The following PDZRN3 variants were observed in gnomAD, a reference collection of about 807,000 sequenced individuals.
PDZRN3 encodes E3 ubiquitin-protein ligase PDZRN3.
In PDZRN3, 38 loss-of-function variants were observed where a neutral mutation model predicts 85.7. The observed-to-expected ratio is 0.44, with a 90% CI of 0.34 to 0.58. The LOEUF (loss-of-function observed/expected upper bound fraction) is 0.58, where lower values mean the gene tolerates loss of function less well. PDZRN3 is among the 20% of genes least tolerant of loss of function. PDZRN3 has a pLI of 0.01. For synonymous variants in PDZRN3, 759 were observed against 638.0 expected (o/e 1.19, Z -2.86); for missense variants, 1,629 against 1,506.4 (o/e 1.08, Z -1.35).
intron 3 of PDZRN3, among the ~76,000 whole-genome samples, chr3:73,443,498 T>TTTG (rs57581231): frequency 7.7e-6 from 1 of 129,122 alleles, no homozygotes; most frequent in African/African-American, 3.9e-5. Context: ...TTTTTTTTTT[T>TTTG]GGGGGGGGGA....
chr3:73,478,078 T>C (rs1020120922), intron 3 of PDZRN3, among the ~76,000 whole-genome samples: 1 of 152,134 alleles, frequency 6.6e-6, no homozygotes. Context: ...CCAAATGACA[T>C]CACTTTGAGA....
chr3:73,463,206 C>T (rs922858208), intron 3 of PDZRN3, among the ~76,000 whole-genome samples: 1 of 152,204 alleles, frequency 6.6e-6, no homozygotes, highest in African/African-American at 2.4e-5. Context: ...CAAGGCCCAT[C>T]CTTACTTGGT....
chr3:73,432,269 G>A (rs968640041), intron 3 of PDZRN3, among the ~76,000 whole-genome samples: 1 of 152,080 alleles, frequency 6.6e-6, no homozygotes, highest in Non-Finnish European at 1.5e-5. Flanking sequence ...CAAGGGATGG[G>A]GGCCAGATCG....
intron 3 of PDZRN3, among the ~76,000 whole-genome samples, chr3:73,514,996 T>C (rs1004168640): frequency 1.1e-4 from 17 of 152,068 alleles, no homozygotes; most frequent in African/African-American, 3.9e-4. Context: ...TACCTGATTG[T>C]AAAACAAAAT....
intron 3 of PDZRN3, among the ~76,000 whole-genome samples, chr3:73,479,050 A>G (rs568734281): frequency 1.3e-5 from 2 of 152,194 alleles, no homozygotes; most frequent in Non-Finnish European, 2.9e-5. Flanking sequence ...CACTATCAAG[A>G]CTGACTTCCA....
intron 3 of PDZRN3, among the ~76,000 whole-genome samples, chr3:73,481,659 T>A (rs1404542498): frequency 6.6e-6 from 1 of 152,234 alleles, no homozygotes; most frequent in Non-Finnish European, 1.5e-5. Flanking sequence ...CCTATAAGAC[T>A]GAAAGCTGGA....
chr3:73,465,407 G>C (rs1377284428), intron 3 of PDZRN3, among the ~76,000 whole-genome samples: 1 of 152,170 alleles, frequency 6.6e-6, no homozygotes, highest in Non-Finnish European at 1.5e-5. Flanking sequence ...GATGTGATCT[G>C]AACATTCACT....
At chr3:73,545,029 AAAAAGG>A (rs1430110851) in intron 3 of PDZRN3, among the ~76,000 whole-genome samples, 1 of 152,234 alleles carries the variant, frequency 6.6e-6, no homozygotes, top group African/African-American at 2.4e-5. Flanking sequence ...TAAAAGGAAA[AAAAAGG>A]TCCGCTTAGA....
At chr3:73,514,508 T>G (rs1172911663) in intron 3 of PDZRN3, among the ~76,000 whole-genome samples, 1 of 152,208 alleles carries the variant, frequency 6.6e-6, no homozygotes, top group Non-Finnish European at 1.5e-5. Context: ...TGGTCTTGAT[T>G]TGGGCTTTAA....
chr3:73,385,392 A>G (rs80238124), intron 9 of PDZRN3, among the ~76,000 whole-genome samples: 1 of 152,360 alleles, frequency 6.6e-6, no homozygotes, highest in African/African-American at 2.4e-5. Flanking sequence ...TTTGCAATCT[A>G]TGGTAATGCC....
At chr3:73,592,793 G>A (rs1702377303) in intron 3 of PDZRN3, among the ~76,000 whole-genome samples, 1 of 152,128 alleles carries the variant, frequency 6.6e-6, no homozygotes, top group Non-Finnish European at 1.5e-5. Flanking sequence ...GCAAATCAGT[G>A]CTTGCAGCTG....
At chr3:73,580,250 T>G (rs1223811588) in intron 3 of PDZRN3, among the ~76,000 whole-genome samples, 1 of 152,212 alleles carries the variant, frequency 6.6e-6, no homozygotes, top group Non-Finnish European at 1.5e-5. Flanking sequence ...AAATTGTATG[T>G]ATACAAGTGA....
chr3:73,535,905 G>A (rs1045543526), intron 3 of PDZRN3, among the ~76,000 whole-genome samples: 1 of 152,112 alleles, frequency 6.6e-6, no homozygotes, highest in Admixed American at 6.6e-5. Flanking sequence ...ATTAACTGCA[G>A]GTAAAGGGAA....
intron 3 of PDZRN3, among the ~76,000 whole-genome samples, chr3:73,449,860 T>C (rs1702823348): frequency 6.6e-6 from 1 of 152,320 alleles, no homozygotes; most frequent in Non-Finnish European, 1.5e-5. Context: ...AAGCCTGTTC[T>C]AACTGCATGC....
intron 1 of PDZRN3, among the ~76,000 whole-genome samples, chr3:73,609,161 T>C (rs1307330584): frequency 1.3e-5 from 2 of 151,934 alleles, no homozygotes; most frequent in Non-Finnish European, 2.9e-5. Context: ...TTTGGGAGAC[T>C]TGGGGAAAAA....
At chr3:73,552,545 G>A (rs199793397) in intron 3 of PDZRN3, among the ~76,000 whole-genome samples, 3 of 152,122 alleles carry the variant, frequency 2.0e-5, no homozygotes, top group East Asian at 1.9e-4. Context: ...AGGTTTTTGC[G>A]CATGTGAGTG....
chr3:73,577,468 T>A (rs573450933), intron 3 of PDZRN3, among the ~76,000 whole-genome samples: 9 of 152,304 alleles, frequency 5.9e-5, no homozygotes, highest in African/African-American at 1.9e-4. Context: ...GCCAGAGAGC[T>A]TCCCTTTTTC....
chr3:73,620,047 C>T (rs1702830404), intron 1 of PDZRN3, among the ~76,000 whole-genome samples: 1 of 152,192 alleles, frequency 6.6e-6, no homozygotes, highest in Non-Finnish European at 1.5e-5. Flanking sequence ...TGTTGCTAAA[C>T]ATCCTACAAT....
intron 3 of PDZRN3, among the ~76,000 whole-genome samples, chr3:73,546,845 G>A (rs1409508542): frequency 6.6e-6 from 1 of 152,224 alleles, no homozygotes; most frequent in Non-Finnish European, 1.5e-5. Flanking sequence ...GATATAATTT[G>A]TAAGTGAGCG....
Sources: gnomAD v4.1 joint callset for allele counts (sites outside exome capture counted in the v4.1 genomes callset) on GRCh38, gnomAD v4.1.1 for gene constraint, MANE v1.5 for transcripts, NCBI Gene and HGNC (gene_info 2026-07-23, HGNC 2026-07-21) for gene names.